Variants in CEMIP observed in about 807,000 individuals in gnomAD.
The protein encoded by CEMIP is cell migration-inducing and hyaluronan-binding protein.
In CEMIP, 105 loss-of-function variants were observed where a neutral mutation model predicts 156.9. The observed-to-expected ratio is 0.67, with a 90% CI of 0.57 to 0.79. CEMIP has a LOEUF of 0.79. Among genes scored for constraint, CEMIP ranks in the 30% least tolerant of loss-of-function variants. CEMIP has a pLI of 0.00. For synonymous variants in CEMIP, 676 were observed against 668.4 expected (o/e 1.01, Z -0.17); for missense variants, 1,457 against 1,769.4 (o/e 0.82, Z 3.17).
chr15:80,876,167 G>A (rs1391072697), intron 3 of CEMIP, among the ~76,000 whole-genome samples: 1 of 152,218 alleles, frequency 6.6e-6, no homozygotes, highest in Non-Finnish European at 1.5e-5. Context: ...TCCCCGCGTG[G>A]CTGGGAATTC....
chr15:80,946,059 A>C (rs1296802639), intron 28 of CEMIP, among the ~76,000 whole-genome samples: 1 of 152,234 alleles, frequency 6.6e-6, no homozygotes, highest in Non-Finnish European at 1.5e-5. Context: ...TGCAAAATAG[A>C]GGCAATAGCC....
At chr15:80,833,673 CTTT>C (rs34449516) in intron 1 of CEMIP, among the ~76,000 whole-genome samples, 2 of 132,780 alleles carry the variant, frequency 1.5e-5, no homozygotes, top group African/African-American at 2.8e-5. Flanking sequence ...TTTTTTTTTT[CTTT>C]TTTTTTTTTT....
At chr15:80,878,993 A>G (rs1898557756) in intron 4 of CEMIP, 126 bp downstream of exon 4, 1 of 1,275,118 alleles carries the variant, frequency 7.8e-7, no homozygotes. Flanking sequence ...TCATGTTGGC[A>G]TTTGGTTGTC....
At chr15:80,892,187 C>G (rs1450866773) in intron 10 of CEMIP, among the ~76,000 whole-genome samples, 2 of 152,086 alleles carry the variant, frequency 1.3e-5, no homozygotes, top group South Asian at 4.2e-4. Flanking sequence ...CCCGGCATAC[C>G]TGCCATGCAC....
At chr15:80,840,602 A>T (rs895196093) in intron 1 of CEMIP, among the ~76,000 whole-genome samples, 5 of 152,172 alleles carry the variant, frequency 3.3e-5, no homozygotes, top group Non-Finnish European at 7.4e-5. Flanking sequence ...AGAAGTAAAC[A>T]GGCCCGTGCA....
chr15:80,835,081 C>T (rs1444287365), intron 1 of CEMIP, among the ~76,000 whole-genome samples: 3 of 150,654 alleles, frequency 2.0e-5, no homozygotes, highest in Non-Finnish European at 4.4e-5. Context: ...GTCCTCATTG[C>T]AGAGAGAGAG....
rs767495935 is a variant in CEMIP at position 80,922,107 on chromosome 15, C to G, written c.2172C>G (p.Phe724Leu). ...CAGAGCACATTCCACTGGGAAAATT[C>G]TATAACAACCGAGCACATTCCAACT... Reference protein sequence around the residue: ...GYSEHIPLGKFYNNRAHSNYR... With the variant: ...GYSEHIPLGKLYNNRAHSNYR... Residue 724 changes from phenylalanine to leucine, a missense_variant, in exon 17 of 30, where the codon TTC (phenylalanine) becomes TTG (leucine). This residue lies in a region of CEMIP where 798 missense variants were observed against 980.1 expected (regional missense o/e 0.81). Coordinates refer to ENST00000394685, the MANE Select transcript of CEMIP (RefSeq NM_001293298.2). 6.2e-7 allele frequency: 1 copy of G among 1,614,256 alleles called. No individual in the cohort carries two copies. The highest frequency in any genetic ancestry group is 8.5e-7 in the Non-Finnish European group (1 of 1,180,032).
chr15:80,918,586 G>A (rs1900359184), intron 14 of CEMIP, among the ~76,000 whole-genome samples: 1 of 152,210 alleles, frequency 6.6e-6, no homozygotes, highest in Non-Finnish European at 1.5e-5. Context: ...TGGCATGGTG[G>A]CAGGTACTGA....
intron 1 of CEMIP, among the ~76,000 whole-genome samples, chr15:80,839,889 C>T (rs1897357173): frequency 6.6e-6 from 1 of 152,216 alleles, no homozygotes; most frequent in Non-Finnish European, 1.5e-5. Flanking sequence ...CTTGCCCTCA[C>T]AACAACCCTA....
chr15:80,914,373 G>A (rs866842858), intron 14 of CEMIP, among the ~76,000 whole-genome samples: 1 of 152,090 alleles, frequency 6.6e-6, no homozygotes, highest in Non-Finnish European at 1.5e-5. Context: ...TGCTCAAAAT[G>A]TGCTATCTTT....
At chr15:80,811,644 T>C (rs989333895) in intron 1 of CEMIP, among the ~76,000 whole-genome samples, 1 of 152,234 alleles carries the variant, frequency 6.6e-6, no homozygotes, top group African/African-American at 2.4e-5. Context: ...AACTTCTGCC[T>C]CCCGGAGTCA....
Position 80,926,757 on chromosome 15 carries a change from A to T in CEMIP, c.2420+1002A>T, listed in dbSNP as rs558200942. ...GGCAGTGGCCAAAAATAAACAATAA[A>T]TTTTTTTTTAAAAAAGTCAAAAAAG... is the stretch of plus-strand genomic sequence containing the variant. On this transcript the variant is annotated intron_variant, in intron 19 of 29. Coordinates refer to ENST00000394685, the MANE Select transcript of CEMIP (RefSeq NM_001293298.2). Among the ~76,000 whole-genome samples, 45 of 139,004 alleles carry T rather than the reference A, an allele frequency of 3.2e-4. 1 individual carries two copies. Among genetic ancestry groups the T allele is most frequent in the South Asian group, 2.7e-3 (12 of 4,396 alleles). The allele number at this position is 139,004 out of a possible 152,430, so 91.2% of individuals were successfully genotyped here. A position where few individuals can be genotyped will look rare whatever the true frequency, so the allele number is the denominator to read the frequency against.
chr15:80,912,437 G>T (rs1280907272), intron 14 of CEMIP, among the ~76,000 whole-genome samples: 1 of 152,194 alleles, frequency 6.6e-6, no homozygotes, highest in Non-Finnish European at 1.5e-5. Flanking sequence ...GGTGGCTGAG[G>T]TACCAGTTAC....
At chr15:80,809,301 A>G (rs986546983) in intron 1 of CEMIP, among the ~76,000 whole-genome samples, 3 of 152,216 alleles carry the variant, frequency 2.0e-5, no homozygotes, top group Admixed American at 2.0e-4. Context: ...GTCTCCATAT[A>G]ATGTAATCAT....
intron 1 of CEMIP, among the ~76,000 whole-genome samples, chr15:80,792,392 G>T (rs117751137): frequency 1.2e-3 from 185 of 152,282 alleles, no homozygotes; most frequent in Non-Finnish European, 1.2e-3. Context: ...CTGGGAAAGG[G>T]CATAAGCTTT....
chr15:80,795,484 G>A (rs947291034), intron 1 of CEMIP, among the ~76,000 whole-genome samples: 5 of 152,086 alleles, frequency 3.3e-5, no homozygotes, highest in African/African-American at 2.4e-5. Flanking sequence ...TAGGGTAAGG[G>A]AGAGGGAGGT....
intron 1 of CEMIP, among the ~76,000 whole-genome samples, chr15:80,829,624 C>T (rs543482388): frequency 6.6e-6 from 1 of 152,290 alleles, no homozygotes; most frequent in South Asian, 2.1e-4. Context: ...TGGTCTTCAC[C>T]CTATTTCAGC....
At chr15:80,806,830 A>T (rs945681363) in intron 1 of CEMIP, among the ~76,000 whole-genome samples, 1 of 152,216 alleles carries the variant, frequency 6.6e-6, no homozygotes, top group East Asian at 1.9e-4. Context: ...CTGGGAATTA[A>T]ATCCTAAGAC....
At chr15:80,800,729 G>A (rs1335546959) in intron 1 of CEMIP, among the ~76,000 whole-genome samples, 4 of 152,182 alleles carry the variant, frequency 2.6e-5, no homozygotes, top group African/African-American at 9.7e-5. Context: ...CATTCTAATA[G>A]ATTTGCAGGG....
Sources: gnomAD v4.1 joint callset for allele counts (sites outside exome capture counted in the v4.1 genomes callset) on GRCh38, gnomAD v4.1.1 for gene constraint, gnomAD v4.1.1 regional missense constraint, MANE v1.5 for transcripts, NCBI Gene and HGNC (gene_info 2026-07-23, HGNC 2026-07-21) for gene names.